Variants in THRB observed in about 807,000 individuals in gnomAD.
The protein encoded by THRB is thyroid hormone receptor beta.
THRB carries 12 observed loss-of-function variants against 47.8 expected under a neutral mutation model. The observed-to-expected ratio is 0.25, with a 90% CI of 0.16 to 0.41. THRB has a LOEUF of 0.41. THRB is among the 10% of genes least tolerant of loss of function. The probability of loss-of-function intolerance (pLI) is 1.00; values close to 1 mark genes in which losing one functional copy is unlikely to be tolerated. For missense variants in THRB, 348 were observed against 589.2 expected (o/e 0.59, Z 4.24); for synonymous variants, 218 against 212.2 (o/e 1.03, Z -0.24).
At chr3:24,293,395 T>C (rs765746961) in intron 3 of THRB, among the ~76,000 whole-genome samples, 2 of 152,200 alleles carry the variant, frequency 1.3e-5, no homozygotes, top group African/African-American at 2.4e-5. Context: ...TTCCCCTTCT[T>C]ACTAAGAAAA....
intron 9 of THRB, among the ~76,000 whole-genome samples, chr3:24,131,802 C>A (rs538004922): frequency 5.7e-4 from 87 of 152,304 alleles, no homozygotes; most frequent in African/African-American, 2.1e-3. Flanking sequence ...AACGTCCCAG[C>A]CTCCAGAACT....
At chr3:24,168,993 G>A (rs2040055905) in intron 5 of THRB, among the ~76,000 whole-genome samples, 1 of 152,078 alleles carries the variant, frequency 6.6e-6, no homozygotes, top group South Asian at 2.1e-4. Context: ...TGGCTGAGCA[G>A]AAATGTCTTA....
At chr3:24,398,228 CA>C (rs1314992543) in intron 1 of THRB, among the ~76,000 whole-genome samples, 1 of 151,952 alleles carries the variant, frequency 6.6e-6, no homozygotes, top group Non-Finnish European at 1.5e-5. Context: ...AAAATGACCC[CA>C]AAAGATCTAA....
chr3:24,427,161 T>A lies in THRB; in HGVS notation c.-261+67491A>T, dbSNP rs533585349. On this transcript the variant is annotated intron_variant, in intron 1 of 10. Coordinates refer to ENST00000646209, the MANE Select transcript of THRB (RefSeq NM_001354712.2). ...ATCTGTATCTCCATTGATTGTACAA[T>A]GAAAACCCACCTTCCCTAATCAGAA... Among the ~76,000 whole-genome samples, 17 of 152,028 alleles carry A rather than the reference T, an allele frequency of 1.1e-4. No individual in the cohort carries two copies. The South Asian group carries it at 3.5e-3, about 32-fold the overall frequency.
At chr3:24,455,988 C>T (rs925185018) in intron 1 of THRB, among the ~76,000 whole-genome samples, 2 of 152,072 alleles carry the variant, frequency 1.3e-5, no homozygotes, top group Non-Finnish European at 2.9e-5. Context: ...CTCACATAAT[C>T]CAGTAAAAAA....
rs762935121 is a variant in THRB, at chr3:24,120,028, G to A, written c.*2856C>T. ...GCAGGTGTGAAGGGTATCTCCATCA[G>A]GTCCACACTGGATTTGCAAGTCTGG... On this transcript the variant is annotated 3_prime_UTR_variant, in exon 11 of 11. Transcript: ENST00000646209. 4 of 152,140 alleles carry A rather than the reference G, an allele frequency of 2.6e-5. No homozygotes were observed. Among genetic ancestry groups the A allele is most frequent in the African/African-American group, 4.8e-5 (2 of 41,408 alleles). 9.4% of individuals were successfully genotyped at this position (152,140 alleles called of 1,614,324 possible). A position where few individuals can be genotyped will look rare whatever the true frequency, so the allele number is the denominator to read the frequency against.
intron 4 of THRB, among the ~76,000 whole-genome samples, chr3:24,214,734 C>T (rs150969391): frequency 6.6e-6 from 1 of 152,264 alleles, no homozygotes; most frequent in East Asian, 1.9e-4. Flanking sequence ...ACCTGGCCTG[C>T]AACCAGAGAT....
intron 8 of THRB, among the ~76,000 whole-genome samples, chr3:24,137,339 G>T (rs191642361): frequency 6.6e-6 from 1 of 152,342 alleles, no homozygotes; most frequent in Non-Finnish European, 1.5e-5. Context: ...GCAATGAACA[G>T]TGTATCCTCA....
intron 1 of THRB, among the ~76,000 whole-genome samples, chr3:24,381,260 C>T (rs9310740): frequency 0.47 from 70,934 of 151,820 alleles, 16,773 homozygotes; most frequent in Admixed American, 0.5. Flanking sequence ...GGCCAAGGAA[C>T]GGGAGATATG....
At chr3:24,131,653 G>A (rs2033877794) in intron 9 of THRB, among the ~76,000 whole-genome samples, 1 of 152,170 alleles carries the variant, frequency 6.6e-6, no homozygotes. Flanking sequence ...TAATGAATGG[G>A]ATTTGTGCCC....
intron 1 of THRB, among the ~76,000 whole-genome samples, chr3:24,341,188 G>T (rs5020481): frequency 7.7e-5 from 10 of 130,090 alleles, no homozygotes; most frequent in Admixed American, 1.6e-4. Context: ...CTTTCCTTTC[G>T]TTTCCTTTCC....
chr3:24,127,839 A>G, intron 9 of THRB, 82 bp from the exon 10 acceptor site: 1 of 1,440,928 alleles, frequency 6.9e-7, no homozygotes, highest in African/African-American at 1.4e-5. Flanking sequence ...TAAAAGCAAT[A>G]GGAATAACCT....
chr3:24,432,123 G>A (rs2070487473), intron 1 of THRB, among the ~76,000 whole-genome samples: 1 of 151,872 alleles, frequency 6.6e-6, no homozygotes, highest in Non-Finnish European at 1.5e-5. Flanking sequence ...GGCTTCATGG[G>A]GGATTTATTC....
chr3:24,150,751 G>A (rs2036799609), intron 6 of THRB, among the ~76,000 whole-genome samples: 2 of 152,140 alleles, frequency 1.3e-5, no homozygotes, highest in Admixed American at 6.5e-5. Flanking sequence ...ATATTAAATG[G>A]AATCAGGATC....
chr3:24,361,364 T>C (rs966003943), intron 1 of THRB, among the ~76,000 whole-genome samples: 1 of 152,160 alleles, frequency 6.6e-6, no homozygotes, highest in African/African-American at 2.4e-5. Context: ...TCTGTCGATA[T>C]ACATAATACA....
At chr3:24,392,263 T>A (rs28683612) in intron 1 of THRB, among the ~76,000 whole-genome samples, 31 of 152,134 alleles carry the variant, frequency 2.0e-4, no homozygotes, top group Non-Finnish European at 3.5e-4. Context: ...TTTCTATTGA[T>A]GTTGATACAT....
At chr3:24,225,808 G>A (rs2047597905) in intron 4 of THRB, among the ~76,000 whole-genome samples, 1 of 152,066 alleles carries the variant, frequency 6.6e-6, no homozygotes, top group African/African-American at 2.4e-5. Flanking sequence ...TTGTATCAAG[G>A]TACTTTTTTA....
intron 6 of THRB, among the ~76,000 whole-genome samples, chr3:24,147,767 C>G (rs1340816536): frequency 1.3e-5 from 2 of 152,230 alleles, no homozygotes; most frequent in Non-Finnish European, 2.9e-5. Context: ...CAATATCCTT[C>G]TATCTTCCCT....
chr3:24,300,700 G>A (rs944870535), intron 2 of THRB, among the ~76,000 whole-genome samples: 2 of 152,064 alleles, frequency 1.3e-5, no homozygotes, highest in African/African-American at 2.4e-5. Flanking sequence ...GGATATTATC[G>A]CTCCTTTGAA....
Sources: gnomAD v4.1 joint callset for allele counts (sites outside exome capture counted in the v4.1 genomes callset) on GRCh38, gnomAD v4.1.1 for gene constraint, MANE v1.5 for transcripts, NCBI Gene and HGNC (gene_info 2026-07-23, HGNC 2026-07-21) for gene names.